Variants in ZNF609 observed in about 807,000 individuals in gnomAD.
ZNF609 encodes the protein zinc finger protein 609.
In ZNF609, 11 loss-of-function variants were observed where a neutral mutation model predicts 109.5. The observed-to-expected ratio is 0.10, with a 90% CI of 0.06 to 0.17. The LOEUF (loss-of-function observed/expected upper bound fraction) is 0.17, where lower values mean the gene tolerates loss of function less well. Ranked by LOEUF, ZNF609 falls within the 10% of genes least tolerant of loss-of-function variation. ZNF609 has a pLI of 1.00. For synonymous variants in ZNF609, 646 were observed against 662.0 expected (o/e 0.98, Z 0.37); for missense variants, 1,559 against 1,772.4 (o/e 0.88, Z 2.16).
At chr15:64,544,619 T>G (rs1352312125) in intron 2 of ZNF609, among the ~76,000 whole-genome samples, 2 of 152,222 alleles carry the variant, frequency 1.3e-5, no homozygotes, top group African/African-American at 4.8e-5. Flanking sequence ...TAGCTGATGA[T>G]GAAGACCTGG....
intron 3 of ZNF609, among the ~76,000 whole-genome samples, chr15:64,639,917 CTTTGTTTTGT>C (rs562220004): frequency 1.3e-5 from 2 of 151,756 alleles, no homozygotes; most frequent in Admixed American, 6.6e-5. Flanking sequence ...TCTTTTTTTG[CTTTGTTTTGT>C]TTTGTTTTGT....
At chr15:64,462,935 A>G (rs1892963458) in intron 1 of ZNF609, among the ~76,000 whole-genome samples, 1 of 152,214 alleles carries the variant, frequency 6.6e-6, no homozygotes, top group Non-Finnish European at 1.5e-5. Flanking sequence ...TGCTCAAATA[A>G]TATTTATGTA....
intron 2 of ZNF609, among the ~76,000 whole-genome samples, chr15:64,543,424 C>G (rs1894304273): frequency 6.6e-6 from 1 of 150,502 alleles, no homozygotes. Flanking sequence ...ACACCTTTCC[C>G]TGCCTTTTTG....
intron 3 of ZNF609, among the ~76,000 whole-genome samples, chr15:64,646,526 C>T (rs1048862424): frequency 6.8e-6 from 1 of 146,774 alleles, no homozygotes; most frequent in Non-Finnish European, 1.5e-5. Context: ...CCTAGCTACA[C>T]GGGAGGCTGA....
intron 2 of ZNF609, among the ~76,000 whole-genome samples, chr15:64,515,892 C>G (rs948885649): frequency 2.7e-5 from 4 of 150,650 alleles, no homozygotes; most frequent in Non-Finnish European, 5.9e-5. Context: ...GAGCTGAGAT[C>G]GCGCCATTGC....
chr15:64,662,391 T>C (rs1002010737), intron 3 of ZNF609, among the ~76,000 whole-genome samples: 12 of 152,174 alleles, frequency 7.9e-5, no homozygotes, highest in African/African-American at 2.9e-4. Flanking sequence ...AGGGGCAACA[T>C]CTCAACTCAT....
Position 64,533,911 on chromosome 15 carries a change from T to C in ZNF609, c.747+33745T>C, listed in dbSNP as rs1019173215. 7.8e-4 allele frequency among the ~76,000 whole-genome samples: 118 copies of C among 152,208 alleles called. 1 individual carries two copies. The highest frequency in any genetic ancestry group is 2.2e-4 in the Non-Finnish European group (15 of 68,040). On this transcript the variant is annotated intron_variant, in intron 2 of 9. Transcript: ENST00000326648. ...TTGCTTGTTCATGTCTGCGTATGTGTCGTTATTTCCATACAATTTTATATC... is the reference window on the plus strand; with the variant it reads ...TTGCTTGTTCATGTCTGCGTATGTGCCGTTATTTCCATACAATTTTATATC...
chr15:64,676,621 A>T (rs1290696328), intron 5 of ZNF609, among the ~76,000 whole-genome samples: 4 of 150,834 alleles, frequency 2.7e-5, no homozygotes. Flanking sequence ...TTTAGTAGAG[A>T]TGGGGCTTCA....
chr15:64,536,311 T>G (rs182965573), intron 2 of ZNF609, among the ~76,000 whole-genome samples: 1 of 152,240 alleles, frequency 6.6e-6, no homozygotes, highest in African/African-American at 2.4e-5. Flanking sequence ...CATGCGCCCC[T>G]GTGCCCAGCC....
chr15:64,528,931 C>T (rs1187066118), intron 2 of ZNF609: 72 of 1,255,318 alleles, frequency 5.7e-5, no homozygotes, highest in South Asian at 9.9e-5. Flanking sequence ...TTTTTCCAGA[C>T]GACAGGTCAG....
At chr15:64,556,453 G>C (rs887051613) in intron 2 of ZNF609, among the ~76,000 whole-genome samples, 2 of 151,738 alleles carry the variant, frequency 1.3e-5, no homozygotes, top group Non-Finnish European at 2.9e-5. Flanking sequence ...TTAAATGCCA[G>C]CCATTATTCT....
intron 4 of ZNF609, among the ~76,000 whole-genome samples, 177 bp downstream of exon 4, chr15:64,670,610 G>A (rs1242970311): frequency 6.6e-6 from 1 of 152,166 alleles, no homozygotes; most frequent in Non-Finnish European, 1.5e-5. Context: ...CAGGCGCGGT[G>A]GCTCACGCCT....
chr15:64,550,297 A>AATAGATTTGAATTG (rs1894443767), intron 2 of ZNF609, among the ~76,000 whole-genome samples: 1 of 150,930 alleles, frequency 6.6e-6, no homozygotes, highest in Non-Finnish European at 1.5e-5. Context: ...TGTTTTGCCC[A>AATAGATTTGAATTG]GGTTTGAATT....
intron 3 of ZNF609, among the ~76,000 whole-genome samples, chr15:64,636,145 C>T (rs369990505): frequency 1.3e-5 from 2 of 151,982 alleles, no homozygotes; most frequent in Non-Finnish European, 2.9e-5. Flanking sequence ...AGTGGTAAAC[C>T]AAGCCCATGT....
intron 2 of ZNF609, among the ~76,000 whole-genome samples, chr15:64,609,130 T>TTCTTTCTTTCTTTCTTTCTTTCTTTC (rs750700444): frequency 1.0e-3 from 86 of 84,206 alleles, no homozygotes; most frequent in East Asian, 3.9e-3. Context: ...CTTTCTTTCT[T>TTCTTTCTTTCTTTCTTTCTTTCTTTC]TTTTTCTTTC....
At chr15:64,637,550 C>G (rs925521872) in intron 3 of ZNF609, among the ~76,000 whole-genome samples, 1 of 152,052 alleles carries the variant, frequency 6.6e-6, no homozygotes, top group Non-Finnish European at 1.5e-5. Flanking sequence ...AACACTTGAC[C>G]TTATTTGTCT....
At chr15:64,665,095 G>T (rs998550281) in intron 3 of ZNF609, among the ~76,000 whole-genome samples, 15 of 152,224 alleles carry the variant, frequency 9.9e-5, no homozygotes, top group African/African-American at 3.4e-4. Flanking sequence ...TAGCTAGAGA[G>T]AATTTAGCCT....
intron 3 of ZNF609, among the ~76,000 whole-genome samples, chr15:64,643,271 C>T (rs1016753761): frequency 1.3e-5 from 2 of 152,174 alleles, no homozygotes; most frequent in African/African-American, 2.4e-5. Context: ...GCGTGAGCCA[C>T]CACACCTGGC....
chr15:64,548,389 C>T (rs1875572489), intron 2 of ZNF609, among the ~76,000 whole-genome samples: 1 of 152,202 alleles, frequency 6.6e-6, no homozygotes, highest in African/African-American at 2.4e-5. Flanking sequence ...AACAACACTA[C>T]ACCAGATGGC....
Sources: gnomAD v4.1 joint callset for allele counts (sites outside exome capture counted in the v4.1 genomes callset) on GRCh38, gnomAD v4.1.1 for gene constraint, MANE v1.5 for transcripts, NCBI Gene and HGNC (gene_info 2026-07-23, HGNC 2026-07-21) for gene names.